The following CAMTA1 variants were observed in gnomAD, a reference collection of about 807,000 sequenced individuals.
CAMTA1 encodes calmodulin binding transcription activator 1.
Under a neutral mutation model 170.9 loss-of-function variants are expected in CAMTA1, and 27 were observed. The observed-to-expected ratio is 0.16, with a 90% confidence interval of 0.12 to 0.22. CAMTA1 has a LOEUF of 0.22. Among genes scored for constraint, CAMTA1 ranks in the 10% least tolerant of loss-of-function variants. The pLI, the probability that CAMTA1 is intolerant of heterozygous loss-of-function variation, is 1.00. For synonymous variants in CAMTA1, 833 were observed against 891.5 expected (o/e 0.93, Z 1.17); for missense variants, 1,619 against 2,217.2 (o/e 0.73, Z 5.42).
intron 6 of CAMTA1, among the ~76,000 whole-genome samples, chr1:7,508,526 T>C (rs116488455): frequency 0.011 from 1,723 of 152,224 alleles, 33 homozygotes; most frequent in African/African-American, 0.038. Flanking sequence ...TGTTGACAGG[T>C]ATGACCTCCC....
chr1:7,594,347 G>A (rs1424496744), intron 6 of CAMTA1, among the ~76,000 whole-genome samples: 4 of 152,134 alleles, frequency 2.6e-5, no homozygotes, highest in African/African-American at 9.7e-5. Flanking sequence ...ACCAGCCGGG[G>A]TAAAGGCACC....
At chr1:7,051,879 C>A (rs1706430836) in intron 3 of CAMTA1, among the ~76,000 whole-genome samples, 1 of 152,162 alleles carries the variant, frequency 6.6e-6, no homozygotes, top group East Asian at 1.9e-4. Flanking sequence ...CCTCTCCTGA[C>A]CCTCCCACCC....
At chr1:7,500,444 ATGAG>A (rs1412024576) in intron 6 of CAMTA1, among the ~76,000 whole-genome samples, 5 of 151,760 alleles carry the variant, frequency 3.3e-5, no homozygotes, top group Admixed American at 3.3e-4. Context: ...GTGTGTGTGC[ATGAG>A]TGAGTGTGTG....
chr1:7,277,751 TCACATACACA>T (rs201781876), intron 5 of CAMTA1, among the ~76,000 whole-genome samples: 1 of 149,858 alleles, frequency 6.7e-6, no homozygotes, highest in East Asian at 2.0e-4. Flanking sequence ...TGAATGCTTT[TCACATACACA>T]CACATACACA....
Position 7,164,994 on chromosome 1 carries a change from T to G in CAMTA1, c.302+73623T>G, listed in dbSNP as rs1421206221. Reference sequence around the variant, plus strand: ...TCACTTTTCTTTATGAGAAAGTGTTTGGAAAAGCTTCTTAAATAAAATGTA... The same window carrying G: ...TCACTTTTCTTTATGAGAAAGTGTTGGGAAAAGCTTCTTAAATAAAATGTA... On this transcript the variant is annotated intron_variant, in intron 4 of 22. Coordinates refer to ENST00000303635, the MANE Select transcript of CAMTA1 (RefSeq NM_015215.4). Among the ~76,000 whole-genome samples, 3 of 152,358 alleles carry G rather than the reference T, an allele frequency of 2.0e-5. No homozygotes were observed. The East Asian group carries it at 5.8e-4, about 29-fold the overall frequency.
rs538025962 is a variant in CAMTA1 at position 6,951,206 on chromosome 1, A to T, written c.234+125996A>T. Among the ~76,000 whole-genome samples, 6 of 152,360 alleles carry T rather than the reference A, an allele frequency of 3.9e-5. No individual in the cohort carries two copies. In the East Asian group the frequency reaches 1.2e-3, roughly 29 times the overall value. On this transcript the variant is annotated intron_variant, in intron 3 of 22. Transcript: ENST00000303635. ...AAGGATAAAAACTCACAGTTAAAAC[A>T]GGAGTCTGACATCTGTCTGCTGGGG...
At position 7,230,686 on chromosome 1, in the gene CAMTA1, G is replaced by T. The variant is rs143257393; in HGVS notation, c.303-18805G>T. ...GCTCTTCAGCTCGGGAGCCCATGCC[G>T]GAGAGATCTGGGAAAGCATCCTTAT... On this transcript the variant is annotated intron_variant, in intron 4 of 22. Coordinates refer to ENST00000303635, the MANE Select transcript of CAMTA1 (RefSeq NM_015215.4). Among the ~76,000 whole-genome samples, 292 of 152,304 alleles carry T rather than the reference G, an allele frequency of 1.9e-3. 1 individual carries two copies. Among genetic ancestry groups the T allele is most frequent in the Non-Finnish European group, 3.0e-3 (203 of 68,034 alleles).
intron 7 of CAMTA1, among the ~76,000 whole-genome samples, chr1:7,652,059 A>G (rs1171474134): frequency 1.6e-5 from 2 of 126,798 alleles, no homozygotes; most frequent in Admixed American, 1.6e-4. Context: ...CACCCCCACC[A>G]TACCCCAAAT....
chr1:7,028,899 AG>A (rs1289021048), intron 3 of CAMTA1, among the ~76,000 whole-genome samples: 2 of 151,904 alleles, frequency 1.3e-5, no homozygotes, highest in African/African-American at 4.9e-5. Context: ...ATAAGTACTA[AG>A]AAGGAAAATA....
intron 6 of CAMTA1, among the ~76,000 whole-genome samples, chr1:7,514,229 G>T (rs544812824): frequency 1.7e-4 from 26 of 152,226 alleles, no homozygotes; most frequent in African/African-American, 4.8e-4. Flanking sequence ...AGCACAAGGA[G>T]GAAAGAGGAG....
chr1:7,613,779 G>T (rs2095539918), intron 6 of CAMTA1, among the ~76,000 whole-genome samples: 1 of 150,806 alleles, frequency 6.6e-6, no homozygotes, highest in African/African-American at 2.4e-5. Flanking sequence ...GACCTGGAGG[G>T]GTGGGTGGGA....
intron 6 of CAMTA1, among the ~76,000 whole-genome samples, chr1:7,620,151 C>T (rs567813295): frequency 1.1e-4 from 17 of 152,236 alleles, no homozygotes; most frequent in African/African-American, 1.7e-4. Context: ...GTGAGTGGAA[C>T]GTGGGGCCAC....
In CAMTA1 at chr1:7,102,023, AACACACACACACACACACACAC is replaced by A. The variant is rs57209159; in HGVS notation, c.302+10678_302+10699del. On this transcript the variant is annotated intron_variant, in intron 4 of 22. Coordinates refer to ENST00000303635, the MANE Select transcript of CAMTA1 (RefSeq NM_015215.4). ...CATGTACACACATGCATAAATACACAACACACACACACACACACACACACACACACACACACACACACACACA... is the reference window on the plus strand; with the variant it reads ...CATGTACACACATGCATAAATACACAACACACACACACACACACACACACA... 4.9e-3 allele frequency among the ~76,000 whole-genome samples: 727 copies of A among 148,798 alleles called. 7 individuals carry two copies. Among genetic ancestry groups the A allele is most frequent in the South Asian group, 0.012 (55 of 4,580 alleles).
chr1:7,017,877 G>C (rs1700778816), intron 3 of CAMTA1, among the ~76,000 whole-genome samples: 1 of 152,160 alleles, frequency 6.6e-6, no homozygotes, highest in Non-Finnish European at 1.5e-5. Flanking sequence ...AAAATGCGTT[G>C]GTTGGTGTGG....
intron 4 of CAMTA1, among the ~76,000 whole-genome samples, chr1:7,181,986 G>T (rs972774470): frequency 6.6e-6 from 1 of 151,550 alleles, no homozygotes; most frequent in Non-Finnish European, 1.5e-5. Flanking sequence ...AAAACAGTAT[G>T]GTGAAATTGA....
intron 3 of CAMTA1, among the ~76,000 whole-genome samples, chr1:6,845,609 A>G (rs1657781904): frequency 6.6e-6 from 1 of 152,238 alleles, no homozygotes; most frequent in Admixed American, 6.5e-5. Flanking sequence ...GAAAACTTTA[A>G]AGAAACAATG....
At chr1:6,924,513 C>T (rs759686116) in intron 3 of CAMTA1, among the ~76,000 whole-genome samples, 3 of 152,216 alleles carry the variant, frequency 2.0e-5, no homozygotes, top group Non-Finnish European at 4.4e-5. Flanking sequence ...GCGGCCCTCC[C>T]TGGCCTGGCT....
intron 4 of CAMTA1, 129 bp downstream of exon 4, chr1:7,091,500 C>A: frequency 2.8e-6 from 2 of 716,772 alleles, no homozygotes; most frequent in South Asian, 3.1e-5. Context: ...GGATGGCTTT[C>A]GACACTGAGG....
intron 11 of CAMTA1, among the ~76,000 whole-genome samples, chr1:7,709,076 G>C (rs1260329151): frequency 6.6e-6 from 1 of 152,114 alleles, no homozygotes; most frequent in Non-Finnish European, 1.5e-5. Flanking sequence ...CTGGTGTGCT[G>C]GTGTGCTGGT....
Sources: gnomAD v4.1 joint callset for allele counts (sites outside exome capture counted in the v4.1 genomes callset) on GRCh38, gnomAD v4.1.1 for gene constraint, MANE v1.5 for transcripts, NCBI Gene and HGNC (gene_info 2026-07-23, HGNC 2026-07-21) for gene names.